Variants in ARHGAP32 observed in about 807,000 individuals in gnomAD.
The protein encoded by ARHGAP32 is rho GTPase-activating protein 32.
In ARHGAP32, 51 loss-of-function variants were observed where a neutral mutation model predicts 186.5. That is an observed-to-expected ratio of 0.27 (90% CI 0.22 to 0.35). The LOEUF is 0.35. ARHGAP32 is among the 10% of genes least tolerant of loss of function. ARHGAP32 has a pLI of 1.00. For synonymous variants in ARHGAP32, 950 were observed against 964.3 expected, an observed-to-expected ratio of 0.99 and a Z score of 0.27; for missense variants, 2,186 against 2,623.5, an observed-to-expected ratio of 0.83 and a Z score of 3.64.
chr11:129,121,090 GA>G, intron 5 of ARHGAP32, among the ~76,000 whole-genome samples: 1 of 152,050 alleles, frequency 6.6e-6, no homozygotes, highest in East Asian at 1.9e-4. Flanking sequence ...TTTATAAAAT[GA>G]TAAAGAATAA....
intron 12 of ARHGAP32, among the ~76,000 whole-genome samples, chr11:128,995,576 C>T (rs1004302442): frequency 1.3e-4 from 20 of 152,310 alleles, no homozygotes; most frequent in Admixed American, 1.2e-3. Flanking sequence ...TGGTGGCTCA[C>T]GCCTGTAATC....
intron 1 of ARHGAP32, among the ~76,000 whole-genome samples, chr11:129,176,723 G>A (rs1225924933): frequency 6.7e-6 from 1 of 149,786 alleles, no homozygotes; most frequent in East Asian, 2.0e-4. Flanking sequence ...AAATAAAGAT[G>A]TTCTTTGAAA....
intron 6 of ARHGAP32, among the ~76,000 whole-genome samples, chr11:129,071,421 G>C (rs1403380942): frequency 1.3e-5 from 2 of 151,186 alleles, no homozygotes; most frequent in East Asian, 1.9e-4. Flanking sequence ...TTTCTCAAAA[G>C]ATAACATACA....
chr11:129,020,274 A>C (rs1378415888), intron 11 of ARHGAP32, among the ~76,000 whole-genome samples: 2 of 152,230 alleles, frequency 1.3e-5, no homozygotes, highest in East Asian at 3.9e-4. Context: ...AAGGTTATTA[A>C]GCATATTAGG....
At chr11:129,073,779 C>T (rs1304743229) in intron 6 of ARHGAP32, among the ~76,000 whole-genome samples, 1 of 145,160 alleles carries the variant, frequency 6.9e-6, no homozygotes, top group East Asian at 2.0e-4. Flanking sequence ...AAAACAACAA[C>T]AACAAAAAAA....
At chr11:129,038,399 T>G (rs1939442733) in intron 11 of ARHGAP32, among the ~76,000 whole-genome samples, 1 of 152,002 alleles carries the variant, frequency 6.6e-6, no homozygotes, top group Non-Finnish European at 1.5e-5. Flanking sequence ...AAATCATGAC[T>G]GTGGGTTAGC....
chr11:128,973,678 A>C lies in ARHGAP32; in HGVS notation c.3074-246T>G, dbSNP rs10893942. Reference sequence around the variant, plus strand: ...TTGAATTGTTACAGAGATGGGGGGGAAAAAAAGCATGTCCCTCACCTGGCT... The same window carrying C: ...TTGAATTGTTACAGAGATGGGGGGGCAAAAAAGCATGTCCCTCACCTGGCT... On this transcript the variant is annotated intron_variant, in intron 21 of 22. Transcript: ENST00000682385. 9.4e-6 allele frequency: 5 copies of C among 531,962 alleles called. No individual in the cohort carries two copies. The Admixed American group carries it at 1.6e-4, about 17-fold the overall frequency. The allele number at this position is 531,962 out of a possible 1,614,324, so 33.0% of individuals were successfully genotyped here. A position where few individuals can be genotyped will look rare whatever the true frequency, so the allele number is the denominator to read the frequency against.
chr11:128,998,231 T>A (rs1267727401), intron 12 of ARHGAP32, 88 bp downstream of exon 12: 1 of 1,137,940 alleles, frequency 8.8e-7, no homozygotes, highest in Non-Finnish European at 1.2e-6. Context: ...AGGTATCATT[T>A]GACTAAATCT....
intron 22 of ARHGAP32, 41 bp from the exon 23 acceptor site, chr11:128,971,200 C>T (rs767866888): frequency 1.3e-6 from 2 of 1,520,752 alleles, no homozygotes; most frequent in African/African-American, 1.4e-5. Context: ...TTTTTTGTTC[C>T]CTCTATGAAT....
intron 1 of ARHGAP32, among the ~76,000 whole-genome samples, chr11:129,185,394 T>C (rs191975433): frequency 7.9e-5 from 12 of 152,204 alleles, no homozygotes; most frequent in East Asian, 3.9e-4. Context: ...TAGGTGGGAA[T>C]TGAACAATGA....
At chr11:129,074,770 G>T (rs954189888) in intron 6 of ARHGAP32, among the ~76,000 whole-genome samples, 15 of 152,124 alleles carry the variant, frequency 9.9e-5, no homozygotes, top group African/African-American at 3.6e-4. Flanking sequence ...GGGATTACAG[G>T]CATGAGCCAC....
chr11:128,972,341 G>T, intron 22 of ARHGAP32, 112 bp downstream of exon 22: 1 of 1,254,856 alleles, frequency 8.0e-7, no homozygotes, highest in South Asian at 2.1e-5. Context: ...CCAGCCACAG[G>T]GCTTAAAAGT....
chr11:129,190,706 A>G (rs1241668103), intron 1 of ARHGAP32, among the ~76,000 whole-genome samples: 2 of 152,226 alleles, frequency 1.3e-5, no homozygotes, highest in Non-Finnish European at 2.9e-5. Flanking sequence ...TTTGACAAAT[A>G]CCCAAATAAC....
chr11:129,197,143 A>C (rs1944402686), upstream of ARHGAP32, among the ~76,000 whole-genome samples: 1 of 152,186 alleles, frequency 6.6e-6, no homozygotes, highest in Non-Finnish European at 1.5e-5. Context: ...TATGGTTTGC[A>C]TTTTGGTCCA....
upstream of ARHGAP32, among the ~76,000 whole-genome samples, chr11:129,193,549 A>ATATATATATTATATAAT (rs1491369040): frequency 2.0e-5 from 1 of 50,026 alleles, no homozygotes; most frequent in African/African-American, 9.3e-5. Flanking sequence ...TATTATATAT[A>ATATATATATTATATAAT]ATATATATAT....
intron 1 of ARHGAP32, among the ~76,000 whole-genome samples, chr11:129,174,258 A>T (rs1179574048): frequency 6.6e-6 from 1 of 152,208 alleles, no homozygotes; most frequent in Admixed American, 6.5e-5. Flanking sequence ...GCGCACCAGG[A>T]CATTATATCC....
upstream of ARHGAP32, among the ~76,000 whole-genome samples, chr11:129,192,411 ACCCT>A (rs1440786621): frequency 2.0e-5 from 3 of 151,866 alleles, no homozygotes; most frequent in Non-Finnish European, 4.4e-5. Flanking sequence ...TGACACCTAG[ACCCT>A]CCCACTGCCT....
intron 1 of ARHGAP32, among the ~76,000 whole-genome samples, chr11:129,182,381 G>C (rs182783346): frequency 2.0e-5 from 3 of 152,092 alleles, no homozygotes; most frequent in African/African-American, 7.2e-5. Context: ...TGTATATCAA[G>C]GAGATTAATC....
intron 1 of ARHGAP32, 67 bp downstream of exon 1, chr11:129,192,013 GAGA>G: frequency 8.7e-7 from 1 of 1,144,618 alleles, no homozygotes; most frequent in Non-Finnish European, 1.3e-6. Flanking sequence ...CCGAAATGCA[GAGA>G]AGAAAAAGGG....
Sources: gnomAD v4.1 joint callset for allele counts (sites outside exome capture counted in the v4.1 genomes callset) on GRCh38, gnomAD v4.1.1 for gene constraint, MANE v1.5 for transcripts, NCBI Gene and HGNC (gene_info 2026-07-23, HGNC 2026-07-21) for gene names.